MAP3K13: variants seen among roughly 807,000 people sequenced by gnomAD.
MAP3K13 encodes leucine zipper-bearing kinase.
MAP3K13 carries 52 observed loss-of-function variants against 104.0 expected under a neutral mutation model. The observed-to-expected ratio is 0.50, with a 90% CI of 0.40 to 0.63. The LOEUF (loss-of-function observed/expected upper bound fraction) is 0.63, where lower values mean the gene tolerates loss of function less well. Ranked by LOEUF, MAP3K13 falls within the 20% of genes least tolerant of loss-of-function variation. The pLI is 0.00. For missense variants in MAP3K13, 914 were observed against 1,218.5 expected (o/e 0.75, Z 3.72); for synonymous variants, 394 against 442.2 (o/e 0.89, Z 1.37).
chr3:185,286,336 G>C (rs772266895), intron 2 of MAP3K13, among the ~76,000 whole-genome samples: 1 of 151,854 alleles, frequency 6.6e-6, no homozygotes, highest in Non-Finnish European at 1.5e-5. Context: ...TAAACTTACA[G>C]GTTTTTGCTG....
chr3:185,417,769 C>T lies in MAP3K13; in HGVS notation c.-85-10728C>T, dbSNP rs1577532459. Reference sequence around the variant, plus strand: ...CCTGGCCTGGCGAAGAATGGTGTTCCGGCGCATGGTCTTTGCATATGGGTT... The same window carrying T: ...CCTGGCCTGGCGAAGAATGGTGTTCTGGCGCATGGTCTTTGCATATGGGTT... On this transcript the variant is annotated intron_variant, in intron 1 of 13. Coordinates refer to ENST00000265026, the MANE Select transcript of MAP3K13 (RefSeq NM_004721.5). The T allele has an allele frequency of 5.0e-6, 8 of 1,612,200 alleles. No individual in the cohort carries two copies. The Admixed American group carries it at 1.2e-4, about 24-fold the overall frequency.
chr3:185,469,053 T>A (rs1238853191), intron 10 of MAP3K13, among the ~76,000 whole-genome samples: 1 of 152,230 alleles, frequency 6.6e-6, no homozygotes, highest in African/African-American at 2.4e-5. Context: ...GAAGGCAACC[T>A]GCAAAGAGCT....
upstream of MAP3K13, among the ~76,000 whole-genome samples, chr3:185,359,422 A>G: frequency 3.3e-5 from 5 of 152,264 alleles, 2 homozygotes; most frequent in South Asian, 1.0e-3. Context: ...TCTGTTCAAG[A>G]TTTATTATAA....
At chr3:185,414,903 G>A (rs1713658982) in intron 1 of MAP3K13, among the ~76,000 whole-genome samples, 1 of 152,090 alleles carries the variant, frequency 6.6e-6, no homozygotes, top group South Asian at 2.1e-4. Flanking sequence ...CAGGCGTGGT[G>A]GCTCATGCCT....
intron 2 of MAP3K13, among the ~76,000 whole-genome samples, chr3:185,346,044 T>C (rs868681195): frequency 3.3e-5 from 5 of 152,342 alleles, no homozygotes; most frequent in South Asian, 2.1e-4. Flanking sequence ...TAAAATCTAT[T>C]CTAGCAATTT....
intron 1 of MAP3K13, among the ~76,000 whole-genome samples, chr3:185,401,892 T>C (rs1325606105): frequency 6.6e-6 from 1 of 152,200 alleles, no homozygotes; most frequent in African/African-American, 2.4e-5. Flanking sequence ...TTAAAGCTTA[T>C]GGAGCGACCT....
chr3:185,434,436 T>G (rs1714912099), intron 2 of MAP3K13, among the ~76,000 whole-genome samples: 1 of 152,208 alleles, frequency 6.6e-6, no homozygotes, highest in South Asian at 2.1e-4. Flanking sequence ...AGCGAAACTA[T>G]CAAAATCCTT....
Position 185,428,864 on chromosome 3 carries a change from A to C in MAP3K13, c.283A>C (p.Thr95Pro), listed in dbSNP as rs1714583872. 6.2e-7 allele frequency: 1 copy of C among 1,614,080 alleles called. No homozygotes were observed. Among genetic ancestry groups the C allele is most frequent in the African/African-American group, 1.3e-5 (1 of 74,924 alleles). The change falls in exon 2 of 14, where the codon ACG (threonine) becomes CCG (proline). Residue 95 changes from threonine to proline, a missense_variant. Thr to Pro is a conservative substitution (Grantham distance 38, BLOSUM62 -1). Around this residue, in one of 3 missense-constraint regions of MAP3K13, gnomAD observed 156 missense variants for 159.8 expected, o/e 0.98. Transcript: ENST00000265026. ...GCTAAGGGAACACGATGAATCAGAG[A>C]CGGCGGTGTCTCAGGGGAACAGCAA... is the stretch of plus-strand genomic sequence containing the variant. ...LQLREHDESE[T>P]AVSQGNSNTV...
At chr3:185,364,024 C>A (rs1723760983) in intron 1 of MAP3K13, among the ~76,000 whole-genome samples, 1 of 152,166 alleles carries the variant, frequency 6.6e-6, no homozygotes, top group Non-Finnish European at 1.5e-5. Context: ...GGGGAATTAT[C>A]CTTAAACTTG....
At chr3:185,347,615 C>A (rs1212988238) in intron 2 of MAP3K13, among the ~76,000 whole-genome samples, 1 of 152,176 alleles carries the variant, frequency 6.6e-6, no homozygotes, top group African/African-American at 2.4e-5. Context: ...CAGCAGAAAG[C>A]ATTCTTTCAT....
intron 1 of MAP3K13, among the ~76,000 whole-genome samples, chr3:185,427,349 G>A (rs941539405): frequency 1.3e-5 from 2 of 151,978 alleles, no homozygotes; most frequent in Non-Finnish European, 2.9e-5. Flanking sequence ...AGGTGACAGA[G>A]CGAGACTCTG....
intron 2 of MAP3K13, among the ~76,000 whole-genome samples, chr3:185,334,985 G>C (rs9871486): frequency 0.76 from 115,661 of 151,480 alleles, 44,880 homozygotes; most frequent in Middle Eastern, 0.85. Context: ...AGACATGGAT[G>C]TACTGATAAA....
chr3:185,427,299 G>A (rs1487701765), intron 1 of MAP3K13, among the ~76,000 whole-genome samples: 2 of 151,042 alleles, frequency 1.3e-5, no homozygotes, highest in African/African-American at 4.9e-5. Context: ...GGGAGGCGGA[G>A]GTTGCAGTGA....
At chr3:185,421,341 G>A (rs1458213826) in intron 1 of MAP3K13, among the ~76,000 whole-genome samples, 2 of 151,950 alleles carry the variant, frequency 1.3e-5, no homozygotes, top group Non-Finnish European at 2.9e-5. Context: ...GGAATTACAG[G>A]CGCCTGCCAC....
intron 7 of MAP3K13, among the ~76,000 whole-genome samples, chr3:185,455,851 T>G (rs112116327): frequency 0.014 from 1,271 of 93,356 alleles, 60 homozygotes; most frequent in African/African-American, 0.033. Flanking sequence ...ATGAGATATA[T>G]ATGAGATATA....
At chr3:185,325,385 C>G (rs74797195) in intron 2 of MAP3K13, among the ~76,000 whole-genome samples, 6,654 of 152,250 alleles carry the variant, frequency 0.044, 175 homozygotes, top group Middle Eastern at 0.082. Context: ...TCAGCAAAGC[C>G]TCCTTTTCCA....
intron 2 of MAP3K13, among the ~76,000 whole-genome samples, chr3:185,331,414 T>C (rs184883459): frequency 3.1e-4 from 47 of 149,446 alleles, no homozygotes; most frequent in East Asian, 5.8e-4. Flanking sequence ...CTTTTCTTTT[T>C]TTTTAAGTAG....
chr3:185,317,242 C>T (rs1240405226), intron 2 of MAP3K13, among the ~76,000 whole-genome samples: 7 of 152,160 alleles, frequency 4.6e-5, no homozygotes, highest in Admixed American at 4.6e-4. Context: ...ATTGTTCTTT[C>T]GCCTTCTGAA....
intron 10 of MAP3K13, 91 bp downstream of exon 10, chr3:185,467,054 C>A: frequency 2.8e-6 from 4 of 1,436,392 alleles, no homozygotes; most frequent in African/African-American, 1.4e-5. Context: ...GTGGCCTCTT[C>A]TTTAGCTCAT....
Sources: gnomAD v4.1 joint callset for allele counts (sites outside exome capture counted in the v4.1 genomes callset) on GRCh38, gnomAD v4.1.1 for gene constraint, gnomAD v4.1.1 regional missense constraint, MANE v1.5 for transcripts, NCBI Gene and HGNC (gene_info 2026-07-23, HGNC 2026-07-21) for gene names.